The following JAK1 variants were observed in gnomAD, a reference collection of about 807,000 sequenced individuals.
The protein encoded by JAK1 is tyrosine-protein kinase JAK1.
JAK1 carries 16 observed loss-of-function variants against 136.6 expected under a neutral mutation model. That is an observed-to-expected ratio of 0.12 (90% CI 0.08 to 0.18). JAK1 has a LOEUF of 0.18. JAK1 is among the 10% of genes least tolerant of loss of function. JAK1 has a pLI of 1.00. For synonymous variants in JAK1, 492 were observed against 519.5 expected (o/e 0.95, Z 0.72); for missense variants, 859 against 1,450.1 (o/e 0.59, Z 6.62).
At chr1:65,050,493 C>T (rs1421947599) in intron 1 of JAK1, among the ~76,000 whole-genome samples, 2 of 152,176 alleles carry the variant, frequency 1.3e-5, no homozygotes, top group Non-Finnish European at 2.9e-5. Flanking sequence ...GATTCCCTGA[C>T]AAAGGCCAGG....
At chr1:64,850,473 G>C (rs997638357) in intron 12 of JAK1, among the ~76,000 whole-genome samples, 1 of 152,208 alleles carries the variant, frequency 6.6e-6, no homozygotes, top group Non-Finnish European at 1.5e-5. Flanking sequence ...CCTGCTGCAG[G>C]CAGCGAGGTG....
chr1:64,918,153 G>A (rs192377347), intron 1 of JAK1, among the ~76,000 whole-genome samples: 6 of 152,282 alleles, frequency 3.9e-5, no homozygotes, highest in Admixed American at 2.0e-4. Context: ...GTGCAGTGGA[G>A]GGGACTACCA....
chr1:64,945,363 T>G (rs1008638182), intron 1 of JAK1, among the ~76,000 whole-genome samples: 2 of 152,174 alleles, frequency 1.3e-5, no homozygotes, highest in African/African-American at 4.8e-5. Flanking sequence ...TGGGAATTTA[T>G]CTGACCTTCT....
In JAK1 at chr1:64,835,443, A is replaced by T; in HGVS notation, c.3322T>A (p.Leu1108Ile). The change falls in exon 24 of 25, where the codon TTA becomes ATA. Residue 1108 changes from leucine (L) to isoleucine (I), a missense_variant. By Grantham distance (5) the Leu-to-Ile change is conservative (BLOSUM62 2). Transcript: ENST00000342505. ...CACGGCAGGCGTTTTCCTTCTTTTA[A>T]CGTATTCACAAGTCTTGTGACTGTC... is the stretch of plus-strand genomic sequence containing the variant. Reference protein sequence around the residue: ...QMTVTRLVNTLKEGKRLPCPP... With the variant: ...QMTVTRLVNTIKEGKRLPCPP... 1 of 1,609,998 alleles carries T rather than the reference A, an allele frequency of 6.2e-7. No individual in the cohort carries two copies. The highest frequency in any genetic ancestry group is 8.5e-7 in the Non-Finnish European group (1 of 1,178,906).
rs534527930 is a variant in JAK1, at chr1:64,851,414, G to A, written c.1649-504C>T. Among the ~76,000 whole-genome samples, 7 of 152,248 alleles carry A rather than the reference G, an allele frequency of 4.6e-5. No homozygotes were observed. In the East Asian group the frequency reaches 5.8e-4, roughly 13 times the overall value. ...GCTATGGAAGGAAGAAGCAGTACCC[G>A]GGCCCAGGGCATGATGGGAACCAGA... On this transcript the variant is annotated intron_variant, in intron 11 of 24. Coordinates refer to ENST00000342505, the MANE Select transcript of JAK1 (RefSeq NM_002227.4).
chr1:64,912,301 C>T (rs1221361147), intron 1 of JAK1, among the ~76,000 whole-genome samples: 1 of 152,172 alleles, frequency 6.6e-6, no homozygotes, highest in Non-Finnish European at 1.5e-5. Flanking sequence ...GCCCCTGACT[C>T]ACTAGCAACC....
chr1:65,061,018 A>G (rs1343687428), intron 1 of JAK1, among the ~76,000 whole-genome samples: 1 of 152,232 alleles, frequency 6.6e-6, no homozygotes, highest in African/African-American at 2.4e-5. Flanking sequence ...CTTCTATGTT[A>G]AAAATGATAC....
At chr1:64,883,590 A>ACGTACCTCTCCCCTGCCC in intron 2 of JAK1, 115 bp from the exon 3 acceptor site, 1 of 770,154 alleles carries the variant, frequency 1.3e-6, no homozygotes, top group Non-Finnish European at 2.1e-6. Flanking sequence ...GGTATTGGAT[A>ACGTACCTCTCCCCTGCCC]CGTACCTCTC....
At chr1:65,014,687 C>CT (rs766477302) in intron 2 of JAK1, among the ~76,000 whole-genome samples, 4,568 of 142,706 alleles carry the variant, frequency 0.032, 82 homozygotes, top group African/African-American at 0.059. Context: ...TTATTCTATT[C>CT]TTTTTTTTTT....
intron 2 of JAK1, among the ~76,000 whole-genome samples, chr1:64,995,272 G>A (rs1484529431): frequency 6.6e-6 from 1 of 152,162 alleles, no homozygotes; most frequent in Non-Finnish European, 1.5e-5. Context: ...CCCATTAGCA[G>A]TAATGGGAAC....
chr1:65,042,373 A>G (rs1354642842), intron 2 of JAK1, among the ~76,000 whole-genome samples: 1 of 151,648 alleles, frequency 6.6e-6, no homozygotes, highest in Non-Finnish European at 1.5e-5. Context: ...TCATTTTCTT[A>G]GTCTTAGTTA....
At chr1:64,932,233 C>A (rs532425421) in intron 1 of JAK1, among the ~76,000 whole-genome samples, 2 of 152,064 alleles carry the variant, frequency 1.3e-5, no homozygotes, top group South Asian at 4.1e-4. Context: ...GCCAACATGG[C>A]GAAACCCTGT....
chr1:64,873,854 T>TACCATCAGCCAA (rs1195712878), intron 4 of JAK1, among the ~76,000 whole-genome samples: 1 of 152,184 alleles, frequency 6.6e-6, no homozygotes, highest in African/African-American at 2.4e-5. Context: ...CCTGCACGCT[T>TACCATCAGCCAA]ACCATCAGCC....
rs7524842 is a variant in JAK1, at chr1:64,865,108, T to C, written c.991-136A>G. The C allele has an allele frequency of 7.0e-3, 4,590 of 659,390 alleles. 191 individuals are homozygous for C. The African/African-American group carries it at 0.075, about 11-fold the overall frequency. The allele number at this position is 659,390 out of a possible 1,614,324, so 40.8% of individuals were successfully genotyped here. A position where few individuals can be genotyped will look rare whatever the true frequency, so the allele number is the denominator to read the frequency against. Reference sequence around the variant, plus strand: ...AGCCAGCTCTTCTGGACTTGCAGGATTGGGGGAGTTGGCACCTGCAGGGTT... The same window carrying C: ...AGCCAGCTCTTCTGGACTTGCAGGACTGGGGGAGTTGGCACCTGCAGGGTT... On this transcript the variant is annotated intron_variant, in intron 7 of 24. Coordinates refer to ENST00000342505, the MANE Select transcript of JAK1 (RefSeq NM_002227.4).
Position 64,902,551 on chromosome 1 carries a change from T to TGAGAGAGAGAGAGAGAGAGAGA in JAK1, c.-77-16232_-77-16211dup, listed in dbSNP as rs142393341. On this transcript the variant is annotated intron_variant, in intron 1 of 24. Coordinates refer to ENST00000342505, the MANE Select transcript of JAK1 (RefSeq NM_002227.4). ...CATGGTGCCTTTACTCATGAATTTG[T>TGAGAGAGAGAGAGAGAGAGAGA]GAGAGAGAGAGAGAGAGAGAGAGAG... Among the ~76,000 whole-genome samples the TGAGAGAGAGAGAGAGAGAGAGA allele has an allele frequency of 3.7e-4, 38 of 102,406 alleles. 1 individual carries two copies. Among genetic ancestry groups the TGAGAGAGAGAGAGAGAGAGAGA allele is most frequent in the African/African-American group, 1.7e-3 (37 of 21,426 alleles). The allele number at this position is 102,406 out of a possible 152,430, so 67.2% of individuals were successfully genotyped here. A position where few individuals can be genotyped will look rare whatever the true frequency, so the allele number is the denominator to read the frequency against.
intron 1 of JAK1, among the ~76,000 whole-genome samples, chr1:64,963,868 T>C (rs112693317): frequency 0.047 from 7,125 of 152,226 alleles, 177 homozygotes; most frequent in Non-Finnish European, 0.063. Context: ...GGGGCTGTCT[T>C]GTGCGTTATA....
chr1:65,005,790 GA>G (rs1355384153), intron 2 of JAK1, among the ~76,000 whole-genome samples: 1 of 152,120 alleles, frequency 6.6e-6, no homozygotes, highest in African/African-American at 2.4e-5. Context: ...CTTTTTGATG[GA>G]ACTTGACAAC....
chr1:64,873,039 A>G (rs1239952104), intron 5 of JAK1, among the ~76,000 whole-genome samples: 1 of 152,134 alleles, frequency 6.6e-6, no homozygotes, highest in East Asian at 1.9e-4. Context: ...GTTGAATTAC[A>G]TCTTCTAACA....
intron 2 of JAK1, among the ~76,000 whole-genome samples, chr1:65,036,190 A>G (rs1346828317): frequency 6.6e-6 from 1 of 152,120 alleles, no homozygotes; most frequent in Non-Finnish European, 1.5e-5. Flanking sequence ...AAAGTAGTGT[A>G]CCTTGACTAA....
Sources: gnomAD v4.1 joint callset for allele counts (sites outside exome capture counted in the v4.1 genomes callset) on GRCh38, gnomAD v4.1.1 for gene constraint, MANE v1.5 for transcripts, NCBI Gene and HGNC (gene_info 2026-07-23, HGNC 2026-07-21) for gene names.